TUSC3: variants seen among roughly 807,000 people sequenced by gnomAD.
TUSC3 encodes dolichyl-diphosphooligosaccharide--protein glycosyltransferase subunit TUSC3.
Under a neutral mutation model 44.8 loss-of-function variants are expected in TUSC3, and 45 were observed. That is an observed-to-expected ratio of 1.00 (90% CI 0.79 to 1.29). The LOEUF (loss-of-function observed/expected upper bound fraction) is 1.29. Among genes scored for constraint, TUSC3 ranks in the 50% most tolerant of loss-of-function variants. TUSC3 has a pLI of 0.00. For synonymous variants in TUSC3, 212 were observed against 152.9 expected, an observed-to-expected ratio of 1.39 and a Z score of -2.85; for missense variants, 519 against 437.9, an observed-to-expected ratio of 1.19 and a Z score of -1.65.
intron 2 of TUSC3, among the ~76,000 whole-genome samples, chr8:15,490,848 G>T (rs1274729865): frequency 1.3e-5 from 2 of 152,144 alleles, no homozygotes; most frequent in Non-Finnish European, 2.9e-5. Context: ...AAATCACTGA[G>T]GCAGGTCTAG....
At chr8:15,836,936 C>G in the TUSC3 span, among the ~76,000 whole-genome samples, 1 of 152,094 alleles carries the variant, frequency 6.6e-6, no homozygotes, top group Non-Finnish European at 1.5e-5. Flanking sequence ...TGTTATATAA[C>G]TGCAATTCCC....
At chr8:15,537,771 A>G (rs1316217432), upstream of TUSC3, among the ~76,000 whole-genome samples, 1 of 152,178 alleles carries the variant, frequency 6.6e-6, no homozygotes, top group African/African-American at 2.4e-5. Flanking sequence ...CATTGCTTAC[A>G]ATAAAGAAAT....
rs139986480 is a variant in TUSC3, at chr8:15,614,785, C to T, written c.139-8295C>T. The stretch of plus-strand genomic sequence containing the variant: ...TTGGACATAGTAATCTGTGAAATGC[C>T]GGATTATTATTCTTTTTTGCTAAGG... On this transcript the variant is annotated intron_variant, in intron 1 of 10. Transcript: ENST00000503731. Among the ~76,000 whole-genome samples, 360 of 151,838 alleles carry T rather than the reference C, an allele frequency of 2.4e-3. 2 individuals carry two copies. Among genetic ancestry groups the T allele is most frequent in the African/African-American group, 8.2e-3 (338 of 41,386 alleles).
intron 1 of TUSC3, among the ~76,000 whole-genome samples, chr8:15,440,733 A>C (rs1800010059): frequency 6.6e-6 from 1 of 152,208 alleles, no homozygotes; most frequent in Non-Finnish European, 1.5e-5. Flanking sequence ...TAGAATAGAC[A>C]CTATGATATT....
intron 6 of TUSC3, among the ~76,000 whole-genome samples, chr8:15,709,232 C>T (rs964459608): frequency 6.6e-6 from 1 of 151,706 alleles, no homozygotes; most frequent in Non-Finnish European, 1.5e-5. Context: ...TAATTAGTTA[C>T]TGTTGGAAAA....
chr8:15,620,322 A>T lies in TUSC3; in HGVS notation c.139-2758A>T, dbSNP rs142703429. 2.3e-3 allele frequency among the ~76,000 whole-genome samples: 350 copies of T among 152,338 alleles called. 1 individual carries two copies. The Middle Eastern group carries it at 0.024, about 10-fold the overall frequency. ...AGTTTGTCAAGATTGATGCAAAATGATGGGACTAACAGGCATTTTGTTTAA... is the reference window on the plus strand; with the variant it reads ...AGTTTGTCAAGATTGATGCAAAATGTTGGGACTAACAGGCATTTTGTTTAA... On this transcript the variant is annotated intron_variant, in intron 1 of 10. Transcript: ENST00000503731.
In TUSC3 at chr8:15,685,921, T is replaced by A. The variant is rs555874692; in HGVS notation, c.798+12085T>A. On this transcript the variant is annotated intron_variant, in intron 6 of 10. Transcript: ENST00000503731. ...CTAGTGACTCTGCTCATATTAATTG[T>A]GAAATCAAACATGTCTAGGAAAACC... Among the ~76,000 whole-genome samples, 7 of 85,268 alleles carry A rather than the reference T, an allele frequency of 8.2e-5. No individual in the cohort carries two copies. In the South Asian group the frequency reaches 2.8e-3, roughly 34 times the overall value. 55.9% of individuals were successfully genotyped at this position (85,268 alleles called of 152,430 possible). A position where few individuals can be genotyped will look rare whatever the true frequency, so the allele number is the denominator to read the frequency against.
chr8:15,522,550 T>C (rs1401954697), intron 2 of TUSC3, among the ~76,000 whole-genome samples: 2 of 151,952 alleles, frequency 1.3e-5, no homozygotes, highest in African/African-American at 2.4e-5. Context: ...CCTTTTTTTT[T>C]TTTTTCACCT....
intron 2 of TUSC3, among the ~76,000 whole-genome samples, chr8:15,512,697 C>T (rs1022525960): frequency 4.0e-5 from 6 of 151,508 alleles, no homozygotes; most frequent in Admixed American, 6.6e-5. Flanking sequence ...TGCTTGAACC[C>T]GGGAGGGAGA....
At chr8:15,534,593 A>T (rs931773605) in intron 2 of TUSC3, among the ~76,000 whole-genome samples, 2 of 150,196 alleles carry the variant, frequency 1.3e-5, no homozygotes, top group Non-Finnish European at 3.0e-5. Context: ...CCAGTGGCCG[A>T]GATCGCGCCA....
chr8:15,796,170 C>T, the TUSC3 span, among the ~76,000 whole-genome samples: 2 of 152,130 alleles, frequency 1.3e-5, no homozygotes, highest in African/African-American at 4.8e-5. Flanking sequence ...GATATGTTAG[C>T]ATGCCTGATA....
At chr8:15,679,541 G>T (rs1808326014) in intron 6 of TUSC3, among the ~76,000 whole-genome samples, 1 of 152,084 alleles carries the variant, frequency 6.6e-6, no homozygotes, top group Admixed American at 6.6e-5. Context: ...TGTTGTGTAG[G>T]TTGTCAATTT....
chr8:15,574,943 G>A (rs1214465257), intron 1 of TUSC3, among the ~76,000 whole-genome samples: 3 of 152,038 alleles, frequency 2.0e-5, no homozygotes, highest in Non-Finnish European at 4.4e-5. Context: ...TAGTGTTATT[G>A]TATTTTAAGG....
chr8:15,536,422 C>A (rs919373859), upstream of TUSC3, among the ~76,000 whole-genome samples: 2 of 152,060 alleles, frequency 1.3e-5, no homozygotes, highest in Non-Finnish European at 2.9e-5. Context: ...TGGCTCACGC[C>A]TGTAATCCCA....
chr8:15,491,438 T>TG (rs1438931663), intron 2 of TUSC3, among the ~76,000 whole-genome samples: 1 of 146,094 alleles, frequency 6.8e-6, no homozygotes, highest in Non-Finnish European at 1.5e-5. Context: ...AGGATCCCAA[T>TG]TTTTTTTTTT....
intron 2 of TUSC3, among the ~76,000 whole-genome samples, chr8:15,496,862 T>G (rs1468982907): frequency 6.6e-6 from 1 of 152,066 alleles, no homozygotes; most frequent in African/African-American, 2.4e-5. Context: ...ATAACAGAGT[T>G]AGAAGAAGCT....
chr8:15,574,547 A>G (rs1263737193), intron 1 of TUSC3, among the ~76,000 whole-genome samples: 1 of 152,074 alleles, frequency 6.6e-6, no homozygotes, highest in African/African-American at 2.4e-5. Flanking sequence ...GGTCTGGACA[A>G]TAGATATTAT....
the TUSC3 span, among the ~76,000 whole-genome samples, chr8:15,833,801 C>T: frequency 6.6e-6 from 1 of 151,436 alleles, no homozygotes; most frequent in Non-Finnish European, 1.5e-5. Flanking sequence ...ACAAGTTTAC[C>T]TATATAACAA....
At chr8:15,482,892 G>T (rs1800682021) in intron 1 of TUSC3, among the ~76,000 whole-genome samples, 1 of 152,126 alleles carries the variant, frequency 6.6e-6, no homozygotes, top group South Asian at 2.1e-4. Flanking sequence ...ATGTGTCCCA[G>T]AATTAGTATA....
Sources: allele counts gnomAD v4.1 joint callset (sites outside exome capture counted in the v4.1 genomes callset), GRCh38; gene constraint gnomAD v4.1.1; transcripts MANE v1.5; gene names NCBI Gene and HGNC (gene_info 2026-07-23, HGNC 2026-07-21).